Variants in SNX29 observed in about 807,000 individuals in gnomAD.
SNX29 encodes sorting nexin-29.
Under a neutral mutation model 102.1 loss-of-function variants are expected in SNX29, and 78 were observed. That is an observed-to-expected ratio of 0.76 (90% CI 0.64 to 0.92). The LOEUF is 0.92. SNX29 is among the 40% of genes least tolerant of loss of function. The pLI is 0.00. For missense variants in SNX29, 1,280 were observed against 1,061.7 expected, an observed-to-expected ratio of 1.21 and a Z score of -2.86; for synonymous variants, 580 against 414.5, an observed-to-expected ratio of 1.40 and a Z score of -4.85.
At chr16:12,147,707 G>T (rs371130564) in intron 13 of SNX29, among the ~76,000 whole-genome samples, 28 of 152,322 alleles carry the variant, frequency 1.8e-4, no homozygotes, top group African/African-American at 6.7e-4. Flanking sequence ...CGGAGAGGCA[G>T]AATTTGCAGC....
intron 11 of SNX29, among the ~76,000 whole-genome samples, chr16:12,089,185 G>A (rs2052380938): frequency 6.6e-6 from 1 of 151,792 alleles, no homozygotes; most frequent in Non-Finnish European, 1.5e-5. Context: ...AAAGTGTGTG[G>A]TGGTGGCACC....
chr16:12,241,818 A>G (rs912714407), intron 14 of SNX29, among the ~76,000 whole-genome samples: 1 of 152,130 alleles, frequency 6.6e-6, no homozygotes, highest in Admixed American at 6.5e-5. Context: ...TTCATCCATG[A>G]TGGGTCCATC....
At chr16:12,435,745 C>T (rs992904010) in intron 18 of SNX29, among the ~76,000 whole-genome samples, 1 of 152,206 alleles carries the variant, frequency 6.6e-6, no homozygotes, top group Non-Finnish European at 1.5e-5. Flanking sequence ...AATGTTGTTA[C>T]CCATGATCCT....
At chr16:12,108,810 A>G (rs949873366) in intron 11 of SNX29, among the ~76,000 whole-genome samples, 2 of 152,092 alleles carry the variant, frequency 1.3e-5, no homozygotes, top group African/African-American at 2.4e-5. Context: ...GTTGCTTATA[A>G]CAGAGTACTT....
chr16:12,561,153 A>C, intron 20 of SNX29: 1 of 227,134 alleles, frequency 4.4e-6, no homozygotes. Context: ...TTGCCTAGGA[A>C]TGAATTCAAA....
At chr16:12,309,784 A>G (rs747556610) in intron 15 of SNX29, among the ~76,000 whole-genome samples, 11 of 152,148 alleles carry the variant, frequency 7.2e-5, no homozygotes, top group Non-Finnish European at 1.0e-4. Context: ...AGGAATTGGA[A>G]GGGTTTCCTT....
chr16:12,490,623 C>T (rs1399575234), intron 19 of SNX29, among the ~76,000 whole-genome samples: 1 of 152,164 alleles, frequency 6.6e-6, no homozygotes, highest in Non-Finnish European at 1.5e-5. Context: ...TGCATACTGC[C>T]ACACAGTGTC....
intron 18 of SNX29, among the ~76,000 whole-genome samples, chr16:12,419,732 C>A (rs2084797660): frequency 6.6e-6 from 1 of 152,194 alleles, no homozygotes; most frequent in South Asian, 2.1e-4. Context: ...TGACAACAGT[C>A]CTGGAAGTGA....
chr16:12,432,455 G>T (rs1597361559), intron 18 of SNX29, among the ~76,000 whole-genome samples: 1 of 152,192 alleles, frequency 6.6e-6, no homozygotes, highest in South Asian at 2.1e-4. Context: ...TATGGGGAGT[G>T]CTCAGGAAGA....
chr16:12,444,026 C>T lies in SNX29; in HGVS notation c.2038-33693C>T, dbSNP rs560213703. ...AGTATAGCACCTAGCACGTAGTAAG[C>T]ACTCAGTATAGCACCTAGCACGTAG... On this transcript the variant is annotated intron_variant, in intron 18 of 20. Coordinates refer to ENST00000566228, the MANE Select transcript of SNX29 (RefSeq NM_032167.5). Among the ~76,000 whole-genome samples, 884 of 151,730 alleles carry T rather than the reference C, an allele frequency of 5.8e-3. 3 individuals carry two copies. Among genetic ancestry groups the T allele is most frequent in the Non-Finnish European group, 8.5e-3 (579 of 67,954 alleles).
rs58869867 is a variant in SNX29 at position 12,365,326 on chromosome 16, TTGTGTGTGTGTGTG to T, written c.1899+9073_1899+9086del. Among the ~76,000 whole-genome samples the T allele has an allele frequency of 5.2e-3, 732 of 139,866 alleles. 6 individuals carry two copies. Among genetic ancestry groups the T allele is most frequent in the African/African-American group, 0.019 (697 of 36,966 alleles). 91.8% of individuals were successfully genotyped at this position (139,866 alleles called of 152,430 possible). ...TCCTTCTCACTTCATACATCAGGAT[TTGTGTGTGTGTGTG>T]TGTGTGTGTGTGTGTGTGTGTGTGT... On this transcript the variant is annotated intron_variant, in intron 16 of 20. Transcript: ENST00000566228.
At chr16:12,290,779 T>G (rs931625659) in intron 15 of SNX29, among the ~76,000 whole-genome samples, 2 of 152,204 alleles carry the variant, frequency 1.3e-5, no homozygotes, top group African/African-American at 4.8e-5. Context: ...ATGAGTGTTA[T>G]GCTAGACTGA....
intron 3 of SNX29, among the ~76,000 whole-genome samples, chr16:12,018,520 T>A (rs1596605802): frequency 6.6e-6 from 1 of 151,488 alleles, no homozygotes. Context: ...GAGGCGCAGG[T>A]TGCAGTGAGC....
At chr16:12,565,504 C>G (rs12443688) in intron 20 of SNX29, among the ~76,000 whole-genome samples, 3,261 of 152,220 alleles carry the variant, frequency 0.021, 259 homozygotes, top group East Asian at 0.18. Context: ...AGCCTGTGTC[C>G]CGAGACATGG....
In SNX29 at chr16:12,569,191, GCACTGTCACAGCT is replaced by G. The variant is rs2079132561; in HGVS notation, c.*567_*579del. ...TCCACCAACAGTCATTAGACACCTG[GCACTGTCACAGCT>G]CACTTTTCCAGAGGGATATTCCTGT... On this transcript the variant is annotated 3_prime_UTR_variant, in exon 21 of 21. Coordinates refer to ENST00000566228, the MANE Select transcript of SNX29 (RefSeq NM_032167.5). 4.7e-6 allele frequency: 1 copy of G among 215,040 alleles called. No individual in the cohort carries two copies. Among genetic ancestry groups the G allele is most frequent in the African/African-American group, 2.3e-5 (1 of 43,694 alleles). 13.3% of individuals were successfully genotyped at this position (215,040 alleles called of 1,614,324 possible).
intron 6 of SNX29, among the ~76,000 whole-genome samples, chr16:12,046,761 G>T (rs11859378): frequency 0.35 from 53,935 of 152,034 alleles, 10,935 homozygotes; most frequent in Middle Eastern, 0.49. Flanking sequence ...CTGGGATTAC[G>T]GGCGCCTGCC....
At chr16:12,525,400 C>T (rs1048068780) in intron 20 of SNX29, among the ~76,000 whole-genome samples, 6 of 151,814 alleles carry the variant, frequency 4.0e-5, no homozygotes, top group Non-Finnish European at 7.4e-5. Context: ...AGGCTGGGCA[C>T]GGTGGCTCAC....
chr16:12,469,662 G>A (rs1420849821), intron 18 of SNX29, among the ~76,000 whole-genome samples: 1 of 152,154 alleles, frequency 6.6e-6, no homozygotes, highest in African/African-American at 2.4e-5. Flanking sequence ...TCACTCCTCG[G>A]GCAATAGAGA....
chr16:12,530,518 C>G (rs973215056), intron 20 of SNX29, among the ~76,000 whole-genome samples: 7 of 151,870 alleles, frequency 4.6e-5, no homozygotes, highest in African/African-American at 1.5e-4. Context: ...AATAGAAACT[C>G]CACTGTTCTG....
Sources: allele counts gnomAD v4.1 joint callset (sites outside exome capture counted in the v4.1 genomes callset), GRCh38; gene constraint gnomAD v4.1.1; transcripts MANE v1.5; gene names NCBI Gene and HGNC (gene_info 2026-07-23, HGNC 2026-07-21).